The following PLEKHG4 variants were observed in gnomAD, a reference collection of about 807,000 sequenced individuals.
The protein encoded by PLEKHG4 is puratrophin-1.
PLEKHG4 carries 85 observed loss-of-function variants against 136.9 expected under a neutral mutation model. That is an observed-to-expected ratio of 0.62 (90% confidence interval 0.52 to 0.74). The LOEUF (loss-of-function observed/expected upper bound fraction) is 0.74. PLEKHG4 is among the 30% of genes least tolerant of loss of function. PLEKHG4 has a pLI of 0.00. For synonymous variants in PLEKHG4, 577 were observed against 646.9 expected, an observed-to-expected ratio of 0.89 and a Z score of 1.64; for missense variants, 1,317 against 1,527.8, an observed-to-expected ratio of 0.86 and a Z score of 2.30.
intron 14 of PLEKHG4, 23 bp from the exon 15 acceptor site, chr16:67,286,251 G>C (rs767699353): frequency 1.3e-6 from 2 of 1,582,842 alleles, no homozygotes; most frequent in Admixed American, 3.3e-5. Flanking sequence ...TTTGCACTGG[G>C]GCTGAGCCAC....
intron 21 of PLEKHG4, 95 bp from the exon 22 acceptor site, chr16:67,288,708 T>C: frequency 6.3e-7 from 1 of 1,598,600 alleles, no homozygotes; most frequent in South Asian, 1.1e-5. Flanking sequence ...TTACTTTGGG[T>C]AGAGCTTGGG....
chr16:67,285,448 TGCGGGACTTCCAC>T lies in PLEKHG4; in HGVS notation c.2355_2367del (p.Arg786AlafsTer45). The T allele has an allele frequency of 6.2e-7, 1 of 1,614,152 alleles. No homozygotes were observed. The highest frequency in any genetic ancestry group is 2.2e-5 in the East Asian group (1 of 44,888). On this transcript the variant is annotated frameshift_variant, in exon 14 of 22. Transcript: ENST00000379344. LOFTEE classifies it high-confidence loss of function. ...CACCTCTTTGGCAACCTGGAGAAGC[TGCGGGACTTCCAC>T]TGCCACTTCTTCCTGCGTGAGCTGG...
rs780766509 is a variant in PLEKHG4 at position 67,284,786 on chromosome 16, A to AGCAGCT, written c.1776_1781dup (p.Gln592_Leu593dup). ...CAGGAACGCCCGGGGGTTGTGTTGC[A>AGCAGCT]GCAGCTGCAGCTGCACTGGACCAGG... On this transcript the variant is annotated inframe_insertion, in exon 13 of 22. Coordinates refer to ENST00000379344, the MANE Select transcript of PLEKHG4 (RefSeq NM_001129729.3). This position sits in a 1 kb window ranked among gnomAD's most constrained non-coding sequence, Gnocchi z 4.4. 3.7e-6 allele frequency: 6 copies of AGCAGCT among 1,613,536 alleles called. No homozygotes were observed. Among genetic ancestry groups the AGCAGCT allele is most frequent in the Non-Finnish European group, 5.1e-6 (6 of 1,179,700 alleles).
Position 67,284,642 on chromosome 16 carries a change from G to A in PLEKHG4, c.1693-71G>A. ...AGCATCCTGTGGGGATGGGGAGTGGGTAGAGGAGCAGAGTGCCCAGCAGGC... is the reference window on the plus strand; with the variant it reads ...AGCATCCTGTGGGGATGGGGAGTGGATAGAGGAGCAGAGTGCCCAGCAGGC... On this transcript the variant is annotated intron_variant, in intron 12 of 21. Coordinates refer to ENST00000379344, the MANE Select transcript of PLEKHG4 (RefSeq NM_001129729.3). The surrounding 1 kb of genome is among the most constrained non-coding windows in gnomAD (Gnocchi z 4.4). 1 of 1,573,248 alleles carries A rather than the reference G, an allele frequency of 6.4e-7. No homozygotes were observed. Among genetic ancestry groups the A allele is most frequent in the Non-Finnish European group, 8.7e-7 (1 of 1,153,270 alleles).
Position 67,286,851 on chromosome 16 carries a change from C to T in PLEKHG4, c.2857C>T (p.Leu953=), listed in dbSNP as rs376890924. Reference sequence around the variant, plus strand: ...CCGCATCTTCCTTTTTGAGGAGCTGCTGCTCTTCAGCAAGCCTCGCCATGG... The same window carrying T: ...CCGCATCTTCCTTTTTGAGGAGCTGTTGCTCTTCAGCAAGCCTCGCCATGG... ...VRRIFLFEEL[L]LFSKPRHGPT... Residue 953 remains leucine, a synonymous_variant, in exon 17 of 22, where the codon CTG becomes TTG. Transcript: ENST00000379344. The T allele has an allele frequency of 7.2e-5, 116 of 1,614,034 alleles. No homozygotes were observed. The highest frequency in any genetic ancestry group is 5.0e-5 in the Admixed American group (3 of 60,012).
At chr16:67,283,248 G>A (rs541035602) in intron 11 of PLEKHG4, among the ~76,000 whole-genome samples, 2 of 152,220 alleles carry the variant, frequency 1.3e-5, no homozygotes, top group Non-Finnish European at 2.9e-5. Flanking sequence ...GGAGGACGGT[G>A]TGCCTGAGGA....
In PLEKHG4 at chr16:67,282,021, C is replaced by G. The variant is rs779232730; in HGVS notation, c.1018C>G (p.Leu340Val). ...CCCCTGCTTACAGCGGCTGGAAGCT[C>G]TACTACAGAACTGCCAGGCAGCTTG... Reference protein sequence around the residue: ...WLDFRRRLEALLQNCQAACAL... With the variant: ...WLDFRRRLEAVLQNCQAACAL... The change falls in exon 8 of 22, where the codon CTA becomes GTA. Residue 340 changes from leucine to valine, a missense_variant. Transcript: ENST00000379344. 1.2e-6 allele frequency: 2 copies of G among 1,613,308 alleles called. No homozygotes were observed. The highest frequency in any genetic ancestry group is 1.6e-4 in the Middle Eastern group (1 of 6,062).
At chr16:67,279,016 C>G (rs1235163903), upstream of PLEKHG4, 1 of 152,318 alleles carries the variant, frequency 6.6e-6, no homozygotes, top group East Asian at 1.9e-4. Flanking sequence ...CGACCTGTCT[C>G]TGGGTGCCCG....
Position 67,288,902 on chromosome 16 carries a change from T to C in PLEKHG4, c.*94T>C. 5 of 1,398,178 alleles carry C rather than the reference T, an allele frequency of 3.6e-6. No individual in the cohort carries two copies. Among genetic ancestry groups the C allele is most frequent in the Non-Finnish European group, 5.0e-6 (5 of 998,442 alleles). 86.6% of individuals were successfully genotyped at this position (1,398,178 alleles called of 1,614,324 possible). ...CTGTGACCAGGGTGTGGCTGACACC[T>C]GGGCTACCTCCAACCTACATGTGCA... On this transcript the variant is annotated 3_prime_UTR_variant, in exon 22 of 22. Transcript: ENST00000379344.
At position 67,282,685 on chromosome 16, in the gene PLEKHG4, C is replaced by T. The variant is rs1484224495; in HGVS notation, c.1392+44C>T. On this transcript the variant is annotated intron_variant, in intron 10 of 21. Transcript: ENST00000379344. ...GAGTGGGCCCTGCCCCGATCTCAGA[C>T]GTGAGCCCCCAGTCCATAGCAGCTC... is the stretch of plus-strand genomic sequence containing the variant. 27 of 1,613,426 alleles carry T rather than the reference C, an allele frequency of 1.7e-5. No individual in the cohort carries two copies. The Admixed American group carries it at 2.3e-4, about 14-fold the overall frequency.
rs2036551906 is a variant in PLEKHG4, at chr16:67,287,920, G to A, written c.3126G>A (p.Val1042=). ...HNKEVRMAEM[V]SMGVGNKAFR... ...CAGAGGTGCGCATGGCTGAGATGGT[G>A]TCCATGGGTGTGGGGAACAAGGCCT... The change falls in exon 19 of 22, where the codon GTG becomes GTA. Residue 1042 remains valine (V), a synonymous_variant. Transcript: ENST00000379344. 6.2e-7 allele frequency: 1 copy of A among 1,613,130 alleles called. No individual in the cohort carries two copies. Among genetic ancestry groups the A allele is most frequent in the Non-Finnish European group, 8.5e-7 (1 of 1,179,166 alleles).
At chr16:67,288,098 C>A (rs932160610) in intron 19 of PLEKHG4, 69 bp from the exon 20 acceptor site, 3 of 1,543,382 alleles carry the variant, frequency 1.9e-6, no homozygotes, top group Non-Finnish European at 2.7e-6. Flanking sequence ...TGCTGGCCCG[C>A]ACTTTCCTTG....
chr16:67,285,811 G>A (rs908924777), intron 14 of PLEKHG4, among the ~76,000 whole-genome samples: 3 of 152,188 alleles, frequency 2.0e-5, no homozygotes, highest in South Asian at 2.1e-4. Context: ...GCCTGAGTGC[G>A]GTGCCAGGAC....
Position 67,282,654 on chromosome 16 carries a change from T to C in PLEKHG4, c.1392+13T>C. 6.2e-7 allele frequency: 1 copy of C among 1,613,796 alleles called. No homozygotes were observed. Among genetic ancestry groups the C allele is most frequent in the Non-Finnish European group, 8.5e-7 (1 of 1,180,032 alleles). On this transcript the variant is annotated intron_variant, in intron 10 of 21. Transcript: ENST00000379344. Reference sequence around the variant, plus strand: ...CGGACTGCACCAGGTCGGAACTACTTGCCCAGAGTGGGCCCTGCCCCGATC... The same window carrying C: ...CGGACTGCACCAGGTCGGAACTACTCGCCCAGAGTGGGCCCTGCCCCGATC...
Position 67,279,904 on chromosome 16 carries a change from A to G in PLEKHG4, c.-141A>G. The G allele has an allele frequency of 1.3e-6, 1 of 778,462 alleles. No homozygotes were observed. Among genetic ancestry groups the G allele is most frequent in the Non-Finnish European group, 2.1e-6 (1 of 487,258 alleles). The allele number at this position is 778,462 out of a possible 1,614,324, so 48.2% of individuals were successfully genotyped here. On this transcript the variant is annotated 5_prime_UTR_variant, in exon 2 of 22. Coordinates refer to ENST00000379344, the MANE Select transcript of PLEKHG4 (RefSeq NM_001129729.3). ...TGAATTGCAGTTCCTGTGCCCTGGC[A>G]CTAAGACTGGCACCTCCTGCGGCCC...
rs372986411 is a variant in PLEKHG4 at position 67,284,840 on chromosome 16, G to A, written c.1820G>A (p.Arg607Gln). The change falls in exon 13 of 22, where the codon CGA (arginine) becomes CAA (glutamine). Residue 607 changes from arginine to glutamine, a missense_variant. Arg to Gln is a conservative substitution (Grantham distance 43). Transcript: ENST00000379344. This position sits in a 1 kb window ranked among gnomAD's most constrained non-coding sequence, Gnocchi z 4.4. The stretch of plus-strand genomic sequence containing the variant: ...CCTGACTTGCCTCCTGCCCACTTCC[G>A]AAAGATGTGGGCTCTGGCCACGGGG... Reference protein sequence around the residue: ...RHPDLPPAHFRKMWALATGLG... With the variant: ...RHPDLPPAHFQKMWALATGLG... 48 of 1,613,120 alleles carry A rather than the reference G, an allele frequency of 3.0e-5. No homozygotes were observed. Among genetic ancestry groups the A allele is most frequent in the Middle Eastern group, 1.6e-4 (1 of 6,080 alleles).
chr16:67,279,650 G>C (rs1042417488), intron 1 of PLEKHG4, 24 bp downstream of exon 1: 7 of 163,972 alleles, frequency 4.3e-5, no homozygotes, highest in Non-Finnish European at 5.3e-5. Context: ...GCGGGCGACG[G>C]GGGGGCGCGC....
At position 67,287,037 on chromosome 16, in the gene PLEKHG4, G is replaced by A; in HGVS notation, c.2963G>A (p.Ser988Asn). ...DLGLTECCGN[S>N]NLRFEIWFRR... is the part of the protein sequence containing the mutation. ...GGTCTCACTGAGTGCTGTGGGAACA[G>A]CAACCTGCGCTTCGAGATCTGGTTC... is the stretch of plus-strand genomic sequence containing the variant. The change falls in exon 18 of 22, where the codon AGC (serine) becomes AAC (asparagine). Residue 988 changes from serine to asparagine, a missense_variant. By Grantham distance (46) the Ser-to-Asn change is conservative. Transcript: ENST00000379344. The A allele has an allele frequency of 6.2e-7, 1 of 1,613,420 alleles. No homozygotes were observed. Among genetic ancestry groups the A allele is most frequent in the Non-Finnish European group, 8.5e-7 (1 of 1,180,024 alleles).
Position 67,288,504 on chromosome 16 carries a change from A to C in PLEKHG4, c.3470A>C (p.Glu1157Ala). Residue 1157 changes from glutamate (E) to alanine (A), a missense_variant, in exon 21 of 22, where the codon GAG becomes GCG. Transcript: ENST00000379344. ...CCCTCCCTAGCTGCTGAGGACTCAG[A>C]GATCTCGTCCCAATGCCCATCAGCC... ...GQPSLTAEDSEISSQCPSASG... is the reference protein window; with the variant it reads ...GQPSLTAEDSAISSQCPSASG... 1.2e-6 allele frequency: 2 copies of C among 1,614,166 alleles called. No individual in the cohort carries two copies. The highest frequency in any genetic ancestry group is 2.2e-5 in the East Asian group (1 of 44,880).
Sources: allele counts gnomAD v4.1 joint callset (sites outside exome capture counted in the v4.1 genomes callset), GRCh38; gene constraint gnomAD v4.1.1; non-coding constraint Gnocchi (gnomAD v3.1); transcripts MANE v1.5; gene names NCBI Gene and HGNC (gene_info 2026-07-23, HGNC 2026-07-21).